Variants in AGBL4 observed in about 807,000 individuals in gnomAD.
AGBL4 encodes cytosolic carboxypeptidase 6.
In AGBL4, 58 loss-of-function variants were observed where a neutral mutation model predicts 66.4. The ratio of observed to expected loss-of-function variants is 0.87; its 90% CI spans 0.71 to 1.09. AGBL4 has a LOEUF of 1.09. Among genes scored for constraint, AGBL4 ranks in the 50% least tolerant of loss-of-function variants. The probability of loss-of-function intolerance (pLI) is 0.00; values close to 1 mark genes in which losing one functional copy is unlikely to be tolerated. For missense variants in AGBL4, 579 were observed against 631.0 expected, an observed-to-expected ratio of 0.92 and a Z score of 0.88; for synonymous variants, 234 against 222.9, an observed-to-expected ratio of 1.05 and a Z score of -0.44.
intron 3 of AGBL4, among the ~76,000 whole-genome samples, chr1:49,308,939 C>A (rs1040566597): frequency 3.3e-5 from 5 of 152,170 alleles, no homozygotes. Context: ...TTATACCTCT[C>A]AGACTATGTG....
At chr1:50,009,842 C>T (rs1283726465) in intron 1 of AGBL4, among the ~76,000 whole-genome samples, 1 of 152,046 alleles carries the variant, frequency 6.6e-6, no homozygotes, top group Non-Finnish European at 1.5e-5. Flanking sequence ...AGTAGCATTT[C>T]TATATGCCAA....
intron 9 of AGBL4, among the ~76,000 whole-genome samples, chr1:48,598,983 T>C (rs1207630535): frequency 6.6e-6 from 1 of 152,122 alleles, no homozygotes; most frequent in Non-Finnish European, 1.5e-5. Context: ...AGTTATAAAT[T>C]ATGGGTTTTT....
At chr1:49,497,445 A>T (rs1161611800) in intron 3 of AGBL4, among the ~76,000 whole-genome samples, 2 of 151,920 alleles carry the variant, frequency 1.3e-5, no homozygotes, top group African/African-American at 4.8e-5. Flanking sequence ...TTGCCCAGAC[A>T]TGGAGCCAGT....
At chr1:48,664,455 G>A (rs1646155390) in intron 6 of AGBL4, among the ~76,000 whole-genome samples, 1 of 152,106 alleles carries the variant, frequency 6.6e-6, no homozygotes, top group Non-Finnish European at 1.5e-5. Flanking sequence ...TAGTGGTAGG[G>A]AAAAACTACT....
At chr1:49,918,803 T>C (rs1651869750) in intron 1 of AGBL4, among the ~76,000 whole-genome samples, 1 of 152,098 alleles carries the variant, frequency 6.6e-6, no homozygotes, top group South Asian at 2.1e-4. Context: ...TAGACCAATA[T>C]CCTTGATGAA....
At chr1:48,966,574 T>A (rs1039134375) in intron 5 of AGBL4, among the ~76,000 whole-genome samples, 20 of 152,202 alleles carry the variant, frequency 1.3e-4, no homozygotes, top group African/African-American at 4.8e-4. Flanking sequence ...CATTTTATTC[T>A]CTTTATTTTG....
At chr1:49,425,397 T>C (rs1645634292) in intron 3 of AGBL4, among the ~76,000 whole-genome samples, 1 of 152,150 alleles carries the variant, frequency 6.6e-6, no homozygotes, top group Non-Finnish European at 1.5e-5. Context: ...GGAAAAATTA[T>C]TATATAAGTG....
intron 4 of AGBL4, among the ~76,000 whole-genome samples, chr1:49,047,601 G>A (rs1441328371): frequency 6.6e-6 from 1 of 152,150 alleles, no homozygotes. Context: ...TGCATGAGGA[G>A]TGAGGAGGAA....
At chr1:48,913,067 T>C (rs1038137441) in intron 5 of AGBL4, among the ~76,000 whole-genome samples, 1 of 152,164 alleles carries the variant, frequency 6.6e-6, no homozygotes, top group African/African-American at 2.4e-5. Context: ...TGAAGTTTTA[T>C]ATCACTACAG....
chr1:49,324,693 T>C (rs1333292380), intron 3 of AGBL4, among the ~76,000 whole-genome samples: 1 of 152,222 alleles, frequency 6.6e-6, no homozygotes, highest in Admixed American at 6.5e-5. Flanking sequence ...CATCTTTACA[T>C]TCAACAATGT....
intron 4 of AGBL4, among the ~76,000 whole-genome samples, chr1:49,129,979 T>A (rs1165280859): frequency 6.6e-6 from 1 of 152,150 alleles, no homozygotes; most frequent in Admixed American, 6.5e-5. Context: ...GCACCTGTTG[T>A]TTCCTGACTT....
At chr1:49,293,845 A>T (rs932583882) in intron 3 of AGBL4, among the ~76,000 whole-genome samples, 1 of 152,216 alleles carries the variant, frequency 6.6e-6, no homozygotes, top group African/African-American at 2.4e-5. Flanking sequence ...CTGTAGTGAG[A>T]GGTAAGTCAG....
intron 3 of AGBL4, among the ~76,000 whole-genome samples, chr1:49,460,078 T>C (rs903983092): frequency 1.3e-5 from 2 of 151,740 alleles, no homozygotes; most frequent in Non-Finnish European, 2.9e-5. Context: ...ATTAATAGAA[T>C]GTGTATTCTG....
chr1:49,474,781 T>C (rs1046198316), intron 3 of AGBL4, among the ~76,000 whole-genome samples: 20 of 152,228 alleles, frequency 1.3e-4, no homozygotes, highest in African/African-American at 4.6e-4. Context: ...GCCTTGTTTG[T>C]ACCTGTCCTT....
intron 6 of AGBL4, among the ~76,000 whole-genome samples, chr1:48,730,726 G>T (rs1647981707): frequency 1.3e-5 from 2 of 152,170 alleles, no homozygotes; most frequent in Admixed American, 1.3e-4. Flanking sequence ...ACCTGCAGTT[G>T]CCGGGAATGT....
At chr1:48,547,048 T>C (rs974330926) in intron 11 of AGBL4, among the ~76,000 whole-genome samples, 12 of 151,670 alleles carry the variant, frequency 7.9e-5, no homozygotes, top group Admixed American at 5.3e-4. Context: ...GGGAAGGGTG[T>C]CTGGGAAGGG....
chr1:49,634,686 TA>T (rs1346388079), intron 3 of AGBL4, among the ~76,000 whole-genome samples: 2 of 152,200 alleles, frequency 1.3e-5, no homozygotes, highest in Non-Finnish European at 2.9e-5. Flanking sequence ...AACAACAGTG[TA>T]AAAGTGTTCC....
chr1:48,967,732 T>C (rs1658560664), intron 5 of AGBL4, among the ~76,000 whole-genome samples: 1 of 152,092 alleles, frequency 6.6e-6, no homozygotes, highest in South Asian at 2.1e-4. Context: ...AAGAATATGA[T>C]GTACAATGGT....
intron 8 of AGBL4, among the ~76,000 whole-genome samples, chr1:48,635,746 A>T (rs2148416663): frequency 6.6e-6 from 1 of 152,250 alleles, no homozygotes; most frequent in Admixed American, 6.5e-5. Context: ...GGACCACACA[A>T]AGAAATGTCC....
Sources: allele counts gnomAD v4.1 joint callset (sites outside exome capture counted in the v4.1 genomes callset), GRCh38; gene constraint gnomAD v4.1.1; transcripts MANE v1.5; gene names NCBI Gene and HGNC (gene_info 2026-07-23, HGNC 2026-07-21).